MKLN1: variants seen among roughly 807,000 people sequenced by gnomAD.
MKLN1 encodes muskelin.
In MKLN1, 18 loss-of-function variants were observed where a neutral mutation model predicts 99.0. The observed-to-expected ratio is 0.18, with a 90% CI of 0.13 to 0.27. The LOEUF is 0.27. Among genes scored for constraint, MKLN1 ranks in the 10% least tolerant of loss-of-function variants. The pLI, the probability that MKLN1 is intolerant of heterozygous loss-of-function variation, is 1.00. For missense variants in MKLN1, 621 were observed against 875.9 expected, an observed-to-expected ratio of 0.71 and a Z score of 3.67; for synonymous variants, 288 against 293.2, an observed-to-expected ratio of 0.98 and a Z score of 0.18.
intron 3 of MKLN1, among the ~76,000 whole-genome samples, chr7:131,231,972 T>C (rs1296078514): frequency 6.6e-6 from 1 of 152,204 alleles, no homozygotes; most frequent in Non-Finnish European, 1.5e-5. Context: ...TGTTAAAAAT[T>C]ACTGAAATTA....
intron 2 of MKLN1, among the ~76,000 whole-genome samples, chr7:131,377,225 A>G (rs1003061349): frequency 6.6e-6 from 1 of 152,198 alleles, no homozygotes; most frequent in African/African-American, 2.4e-5. Flanking sequence ...GGGTAGGTAT[A>G]TGTGTATTGA....
chr7:131,429,613 C>G (rs182607832), intron 9 of MKLN1, among the ~76,000 whole-genome samples: 7 of 152,218 alleles, frequency 4.6e-5, no homozygotes, highest in African/African-American at 1.7e-4. Context: ...GAGTCTTGCT[C>G]TATCGCCCAG....
chr7:131,185,810 CT>C (rs1301459061), intron 2 of MKLN1, among the ~76,000 whole-genome samples: 2 of 152,102 alleles, frequency 1.3e-5, no homozygotes, highest in Admixed American at 1.3e-4. Context: ...TGTTTTGAGG[CT>C]TAGAGATGTA....
At chr7:131,394,720 C>T (rs1443389934) in intron 4 of MKLN1, among the ~76,000 whole-genome samples, 6 of 152,014 alleles carry the variant, frequency 3.9e-5, no homozygotes, top group South Asian at 2.1e-4. Flanking sequence ...GAAATCATTA[C>T]GCCTGGTATC....
At chr7:131,227,261 C>A (rs999012910) in intron 3 of MKLN1, among the ~76,000 whole-genome samples, 52 of 152,186 alleles carry the variant, frequency 3.4e-4, no homozygotes, top group African/African-American at 1.2e-3. Flanking sequence ...CAACCGGAAC[C>A]AACCACTCCT....
intron 1 of MKLN1, among the ~76,000 whole-genome samples, chr7:131,362,954 T>G (rs578067986): frequency 2.0e-4 from 31 of 152,206 alleles, no homozygotes; most frequent in Admixed American, 2.0e-3. Context: ...ATAAAAGTAA[T>G]GATAATAAAA....
intron 1 of MKLN1, among the ~76,000 whole-genome samples, chr7:131,359,789 A>C (rs1185034920): frequency 6.6e-6 from 1 of 151,364 alleles, no homozygotes. Context: ...ACTGGAGTGC[A>C]GTGTTGTGAT....
chr7:131,352,946 C>T (rs150009584), intron 1 of MKLN1, among the ~76,000 whole-genome samples: 50 of 152,254 alleles, frequency 3.3e-4, no homozygotes, highest in African/African-American at 1.1e-3. Flanking sequence ...CTAGTTCTTC[C>T]GCTGCAAATA....
At chr7:131,200,202 G>A (rs1287056549) in intron 2 of MKLN1, among the ~76,000 whole-genome samples, 3 of 152,138 alleles carry the variant, frequency 2.0e-5, no homozygotes, top group Non-Finnish European at 2.9e-5. Context: ...CCAGTTATTT[G>A]TTAAGAAACT....
At chr7:131,418,256 C>A (rs2116366812) in intron 8 of MKLN1, among the ~76,000 whole-genome samples, 1 of 151,714 alleles carries the variant, frequency 6.6e-6, no homozygotes, top group East Asian at 1.9e-4. Context: ...GTAATCCCAG[C>A]TACTCGGGGG....
intron 3 of MKLN1, among the ~76,000 whole-genome samples, chr7:131,246,578 A>G (rs1471378797): frequency 6.6e-6 from 1 of 150,810 alleles, no homozygotes; most frequent in East Asian, 1.9e-4. Context: ...TAATTATTGA[A>G]CTGTAACAGC....
At chr7:131,213,161 A>G (rs1358975728) in intron 3 of MKLN1, among the ~76,000 whole-genome samples, 1 of 152,094 alleles carries the variant, frequency 6.6e-6, no homozygotes, top group African/African-American at 2.4e-5. Flanking sequence ...ATATACATAA[A>G]CAATACAAAG....
At chr7:131,243,489 A>G (rs1314594406) in intron 3 of MKLN1, among the ~76,000 whole-genome samples, 1 of 152,176 alleles carries the variant, frequency 6.6e-6, no homozygotes, top group African/African-American at 2.4e-5. Context: ...TATTTTCATC[A>G]TAATCCTAAA....
chr7:131,222,337 T>G lies in MKLN1; in HGVS notation c.-179+19363T>G, dbSNP rs556504932. ...CTCAGAGTTACCCAGCTGTTACTTC[T>G]CTGGTTTATAGATGGCACCTTCCTG... On this transcript the variant is annotated intron_variant, in intron 3 of 7. Transcript: ENST00000416992. Among the ~76,000 whole-genome samples, 4 of 152,334 alleles carry G rather than the reference T, an allele frequency of 2.6e-5. No homozygotes were observed. In the East Asian group the frequency reaches 7.7e-4, roughly 29 times the overall value.
intron 3 of MKLN1, among the ~76,000 whole-genome samples, chr7:131,252,329 C>CTTTTT (rs60581249): frequency 1.3e-4 from 16 of 118,520 alleles, no homozygotes; most frequent in Non-Finnish European, 1.8e-4. Context: ...TTTTTCTTTT[C>CTTTTT]TTTTTTTTTT....
intron 3 of MKLN1, among the ~76,000 whole-genome samples, chr7:131,272,487 G>A (rs371659851): frequency 6.6e-6 from 1 of 152,150 alleles, no homozygotes; most frequent in Non-Finnish European, 1.5e-5. Flanking sequence ...GAGAGGCATG[G>A]GCCAATCAAA....
chr7:131,292,189 T>A (rs1471203777), intron 3 of MKLN1, among the ~76,000 whole-genome samples: 1 of 152,150 alleles, frequency 6.6e-6, no homozygotes, highest in Non-Finnish European at 1.5e-5. Flanking sequence ...ATGTTGTTTG[T>A]ATGGTTGTAT....
chr7:131,403,005 A>G (rs926117222), intron 6 of MKLN1, among the ~76,000 whole-genome samples: 2 of 152,178 alleles, frequency 1.3e-5, no homozygotes, highest in Non-Finnish European at 2.9e-5. Context: ...CAGTCACACT[A>G]TCCTTTAAAG....
intron 3 of MKLN1, among the ~76,000 whole-genome samples, chr7:131,263,346 TTAATAA>T (rs79364750): frequency 0.03 from 3,794 of 128,114 alleles, 166 homozygotes; most frequent in African/African-American, 0.1. Flanking sequence ...TCTACAATTA[TTAATAA>T]TAATAATAAT....
Sources: allele counts gnomAD v4.1 joint callset (sites outside exome capture counted in the v4.1 genomes callset), GRCh38; gene constraint gnomAD v4.1.1; transcripts MANE v1.5; gene names NCBI Gene and HGNC (gene_info 2026-07-23, HGNC 2026-07-21).